The following AFDN variants were observed in gnomAD, a reference collection of about 807,000 sequenced individuals.
AFDN encodes the protein afadin.
Under a neutral mutation model 216.6 loss-of-function variants are expected in AFDN, and 68 were observed. The ratio of observed to expected loss-of-function variants is 0.31; its 90% CI spans 0.26 to 0.38. AFDN has a LOEUF of 0.38. AFDN is among the 10% of genes least tolerant of loss of function. AFDN has a pLI of 1.00. For missense variants in AFDN, 2,136 were observed against 2,342.0 expected, an observed-to-expected ratio of 0.91 and a Z score of 1.82; for synonymous variants, 868 against 853.7, an observed-to-expected ratio of 1.02 and a Z score of -0.29.
At chr6:167,892,078 A>G (rs1349234498) in intron 8 of AFDN, among the ~76,000 whole-genome samples, 1 of 152,172 alleles carries the variant, frequency 6.6e-6, no homozygotes, top group Non-Finnish European at 1.5e-5. Context: ...CAGCAGTCTC[A>G]TGGTACCGTA....
Position 167,951,400 on chromosome 6 carries a change from G to T in AFDN, c.4046G>T (p.Arg1349Leu), listed in dbSNP as rs138608115. ...ASTLTKSGPG[R>L]WKTPAAIPAT... The stretch of plus-strand genomic sequence containing the variant: ...ACACTGACCAAAAGTGGCCCTGGCC[G>T]TTGGAAAACACCAGCAGCCATACCG... Residue 1349 changes from arginine (R) to leucine (L), a missense_variant, in exon 30 of 34, where the codon CGT becomes CTT. Coordinates refer to ENST00000683244, the MANE Select transcript of AFDN (RefSeq NM_001386888.1). The surrounding 1 kb of genome is among the most constrained non-coding windows in gnomAD (Gnocchi z 7.1). 2.5e-6 allele frequency: 4 copies of T among 1,614,084 alleles called. No individual in the cohort carries two copies. Among genetic ancestry groups the T allele is most frequent in the Non-Finnish European group, 3.4e-6 (4 of 1,180,012 alleles).
intron 30 of AFDN, among the ~76,000 whole-genome samples, chr6:167,952,998 C>T (rs1351652705): frequency 6.6e-6 from 1 of 152,088 alleles, no homozygotes; most frequent in Non-Finnish European, 1.5e-5. Context: ...TAGATAAAAG[C>T]AAGACTTTGT....
At chr6:167,881,803 T>A (rs1401604821) in intron 6 of AFDN, among the ~76,000 whole-genome samples, 1 of 152,206 alleles carries the variant, frequency 6.6e-6, no homozygotes, top group Non-Finnish European at 1.5e-5. Flanking sequence ...TGAAAGACTG[T>A]ACCCAGAATA....
In AFDN at chr6:167,971,208, T is replaced by TAC. The variant is rs1370263011; in HGVS notation, c.*1277_*1278dup. On this transcript the variant is annotated 3_prime_UTR_variant, in exon 34 of 34. Transcript: ENST00000683244. ...ATTTTTCTGTACCATATTGTTCTCT[T>TAC]ACACATACGTATGTTAGGAAAATAG... 1 of 219,370 alleles carries TAC rather than the reference T, an allele frequency of 4.6e-6. No homozygotes were observed. The highest frequency in any genetic ancestry group is 9.1e-6 in the Non-Finnish European group (1 of 109,532). The allele number at this position is 219,370 out of a possible 1,614,324, so 13.6% of individuals were successfully genotyped here.
intron 1 of AFDN, among the ~76,000 whole-genome samples, chr6:167,842,134 C>A (rs1160626309): frequency 6.6e-6 from 1 of 152,126 alleles, no homozygotes; most frequent in Non-Finnish European, 1.5e-5. Context: ...TAACCCTTGC[C>A]TTTCTTGCTT....
At chr6:167,943,810 G>C (rs1326186726) in intron 25 of AFDN, 131 bp from the exon 26 acceptor site, 1 of 809,992 alleles carries the variant, frequency 1.2e-6, no homozygotes, top group Non-Finnish European at 2.0e-6. Context: ...CTGTCTGGAA[G>C]TCAGAACCAT....
intron 2 of AFDN, among the ~76,000 whole-genome samples, chr6:167,866,695 G>A (rs1161294088): frequency 6.6e-6 from 1 of 152,176 alleles, no homozygotes; most frequent in Non-Finnish European, 1.5e-5. Context: ...TTTTCAGAGA[G>A]TACTGCTTGT....
Position 167,898,226 on chromosome 6 carries a change from C to T in AFDN, c.1339C>T (p.Pro447Ser). Residue 447 changes from proline (P) to serine (S), a missense_variant, in exon 11 of 34, where the codon CCC becomes TCC. By Grantham distance (74) the Pro-to-Ser change is moderately conservative. Around this residue, in one of 8 missense-constraint regions of AFDN, gnomAD observed 817 missense variants for 965.7 expected, o/e 0.85. Coordinates refer to ENST00000683244, the MANE Select transcript of AFDN (RefSeq NM_001386888.1). Reference sequence around the variant, plus strand: ...CCAGTTGTTTGGCCCAGGAATTCAGCCCCATCACTGTGACCTTACCAACAT... The same window carrying T: ...CCAGTTGTTTGGCCCAGGAATTCAGTCCCATCACTGTGACCTTACCAACAT... ...SIQLFGPGIQPHHCDLTNMDG... is the reference protein window; with the variant it reads ...SIQLFGPGIQSHHCDLTNMDG... 4.3e-6 allele frequency: 7 copies of T among 1,614,048 alleles called. No homozygotes were observed. The highest frequency in any genetic ancestry group is 5.9e-6 in the Non-Finnish European group (7 of 1,179,960).
At chr6:167,829,678 TG>T (rs1313870381) in intron 1 of AFDN, among the ~76,000 whole-genome samples, 1 of 151,992 alleles carries the variant, frequency 6.6e-6, no homozygotes, top group African/African-American at 2.4e-5. Flanking sequence ...TTTCTTTTGT[TG>T]TTTTTTTTTT....
chr6:167,901,223 C>G (rs138235314), intron 11 of AFDN, among the ~76,000 whole-genome samples: 280 of 152,182 alleles, frequency 1.8e-3, no homozygotes, highest in African/African-American at 6.4e-3. Flanking sequence ...ACATTTCATT[C>G]TTTTTAAATT....
intron 1 of AFDN, among the ~76,000 whole-genome samples, chr6:167,837,903 A>G (rs907844357): frequency 5.9e-5 from 9 of 152,238 alleles, no homozygotes; most frequent in Non-Finnish European, 1.2e-4. Context: ...TGTAATTTTC[A>G]GGAAGAACCA....
In AFDN at chr6:167,917,224, A is replaced by G. The variant is rs760710347; in HGVS notation, c.2701A>G (p.Ile901Val). 6.3e-7 allele frequency: 1 copy of G among 1,593,292 alleles called. No individual in the cohort carries two copies. The highest frequency in any genetic ancestry group is 8.5e-7 in the Non-Finnish European group (1 of 1,172,802). The change falls in exon 20 of 34, where the codon ATC (isoleucine) becomes GTC (valine). Residue 901 changes from isoleucine to valine, a missense_variant. Ile to Val is a conservative substitution (Grantham distance 29, BLOSUM62 3). Coordinates refer to ENST00000683244, the MANE Select transcript of AFDN (RefSeq NM_001386888.1). ...NYHCAPDEPF[I>V]PTDLIENVVT... ...TCACTGTGCACCTGATGAGCCTTTTATCCCAACGGTGAGTGGATGTTGCCA... is the reference window on the plus strand; with the variant it reads ...TCACTGTGCACCTGATGAGCCTTTTGTCCCAACGGTGAGTGGATGTTGCCA...
At chr6:167,964,530 G>A in intron 31 of AFDN, 1 of 1,065,514 alleles carries the variant, frequency 9.4e-7, no homozygotes, top group Non-Finnish European at 1.1e-6. Flanking sequence ...TGAAAAATTG[G>A]GCTCAGGGCA....
chr6:167,959,431 A>G (rs1220239582), intron 30 of AFDN, among the ~76,000 whole-genome samples: 2 of 152,202 alleles, frequency 1.3e-5, no homozygotes, highest in Non-Finnish European at 2.9e-5. Flanking sequence ...GTCACTTACC[A>G]GAGGTACTCC....
intron 19 of AFDN, 85 bp from the exon 20 acceptor site, chr6:167,917,004 A>G (rs1028905567): frequency 8.0e-7 from 1 of 1,245,784 alleles, no homozygotes; most frequent in African/African-American, 1.5e-5. Context: ...AGCAAGTTAT[A>G]TTTTTATAAA....
intron 21 of AFDN, 141 bp downstream of exon 21, chr6:167,919,074 TG>T (rs1177669086): frequency 1.4e-6 from 1 of 707,326 alleles, no homozygotes; most frequent in African/African-American, 1.8e-5. Flanking sequence ...TCCACTGACT[TG>T]GAGAAATATT....
Position 167,896,990 on chromosome 6 carries a change from C to T in AFDN, c.1317+18C>T. The T allele has an allele frequency of 7.0e-7, 1 of 1,433,538 alleles. No homozygotes were observed. The allele number at this position is 1,433,538 out of a possible 1,614,324, so 88.8% of individuals were successfully genotyped here. A position where few individuals can be genotyped will look rare whatever the true frequency, so the allele number is the denominator to read the frequency against. ...CTATCCAGGTACGTAGTCTGAGCTT[C>T]CTGCTGCAACTCTGACATTCCAGGA... is the stretch of plus-strand genomic sequence containing the variant. On this transcript the variant is annotated intron_variant, in intron 10 of 33. Transcript: ENST00000683244.
chr6:167,905,322 G>T (rs1235333212), intron 12 of AFDN, among the ~76,000 whole-genome samples: 1 of 152,166 alleles, frequency 6.6e-6, no homozygotes, highest in Non-Finnish European at 1.5e-5. Flanking sequence ...CTTAAAAAAT[G>T]CCTGCTGTGT....
chr6:167,930,188 G>C (rs1793106656), intron 23 of AFDN, among the ~76,000 whole-genome samples: 1 of 152,164 alleles, frequency 6.6e-6, no homozygotes, highest in Admixed American at 6.5e-5. Flanking sequence ...CCAGGTAACA[G>C]GGCAAGACCC....
Sources: gnomAD v4.1 joint callset for allele counts (sites outside exome capture counted in the v4.1 genomes callset) on GRCh38, gnomAD v4.1.1 for gene constraint, gnomAD v4.1.1 regional missense constraint, Gnocchi (gnomAD v3.1) non-coding constraint, MANE v1.5 for transcripts, NCBI Gene and HGNC (gene_info 2026-07-23, HGNC 2026-07-21) for gene names.